The following MCF2L variants were observed in gnomAD, a reference collection of about 807,000 sequenced individuals.
The protein encoded by MCF2L is guanine nucleotide exchange factor DBS.
A neutral mutation model predicts 153.4 loss-of-function variants in MCF2L; 97 were observed. That is an observed-to-expected ratio of 0.63 (90% confidence interval 0.54 to 0.75). The LOEUF (loss-of-function observed/expected upper bound fraction) is 0.75. Among genes scored for constraint, MCF2L ranks in the 30% least tolerant of loss-of-function variants. The pLI, the probability that MCF2L is intolerant of heterozygous loss-of-function variation, is 0.00. For synonymous variants in MCF2L, 659 were observed against 632.2 expected, an observed-to-expected ratio of 1.04 and a Z score of -0.64; for missense variants, 1,347 against 1,495.2, an observed-to-expected ratio of 0.90 and a Z score of 1.64.
At chr13:112,988,796 G>C (rs35785506) in intron 1 of MCF2L, among the ~76,000 whole-genome samples, 6 of 91,422 alleles carry the variant, frequency 6.6e-5, no homozygotes, top group Admixed American at 1.1e-4. Context: ...CCTGAGCAGG[G>C]GATGGGCTAC....
chr13:112,935,499 C>T (rs1428518165), intron 2 of MCF2L, among the ~76,000 whole-genome samples: 1 of 152,098 alleles, frequency 6.6e-6, no homozygotes, highest in East Asian at 1.9e-4. Flanking sequence ...TCAGGTGATC[C>T]ACCTGTCTCG....
At chr13:112,926,281 CGG>C (rs1566642372) in intron 2 of MCF2L, among the ~76,000 whole-genome samples, 8 of 104,164 alleles carry the variant, frequency 7.7e-5, no homozygotes, top group South Asian at 3.3e-4. Context: ...ATATACACAG[CGG>C]AGTGCTGCAT....
chr13:113,084,756 C>A, intron 18 of MCF2L, 136 bp from the exon 19 acceptor site: 1 of 712,380 alleles, frequency 1.4e-6, no homozygotes, highest in African/African-American at 1.8e-5. Context: ...GGGCCAGCAG[C>A]AATGCCTCGC....
intron 4 of MCF2L, among the ~76,000 whole-genome samples, chr13:113,059,256 A>G (rs2030949915): frequency 6.6e-6 from 1 of 152,142 alleles, no homozygotes; most frequent in African/African-American, 2.4e-5. Context: ...GACTTGGCCC[A>G]CGCCCCACGC....
At chr13:112,973,864 G>A (rs1252251103) in intron 1 of MCF2L, among the ~76,000 whole-genome samples, 1 of 152,176 alleles carries the variant, frequency 6.6e-6, no homozygotes, top group East Asian at 1.9e-4. Flanking sequence ...CCTGCGAGGT[G>A]TGTTCCGAGT....
chr13:113,096,805 C>T lies in MCF2L; in HGVS notation c.3324C>T (p.Asn1108=), dbSNP rs745589092. 7 of 1,553,738 alleles carry T rather than the reference C, an allele frequency of 4.5e-6. No homozygotes were observed. The highest frequency in any genetic ancestry group is 1.8e-4 in the Middle Eastern group (1 of 5,598). The stretch of plus-strand genomic sequence containing the variant: ...GCCCGGGGTCGGCCGTGCTGAGCAA[C>T]TCGTCCAGCTGCAGCGAGGGCGGCC... ...ESSPGSAVLS[N]SSSCSEGGQA... Residue 1108 remains asparagine (N), a synonymous_variant, in exon 30 of 30, where the codon AAC becomes AAT. Coordinates refer to ENST00000535094, the MANE Select transcript of MCF2L (RefSeq NM_001112732.3).
chr13:112,968,983 G>A (rs1355925240), upstream of MCF2L, among the ~76,000 whole-genome samples: 1 of 151,820 alleles, frequency 6.6e-6, no homozygotes. Context: ...ACTTCCAGGT[G>A]ACCGCGGCGG....
chr13:112,978,984 C>T (rs1427821401), intron 1 of MCF2L, among the ~76,000 whole-genome samples: 1 of 152,218 alleles, frequency 6.6e-6, no homozygotes, highest in Non-Finnish European at 1.5e-5. Context: ...TCACCTCTCA[C>T]CCCTCGGAAG....
chr13:113,096,251 T>C (rs929189328), intron 27 of MCF2L, 120 bp from the exon 28 acceptor site: 6 of 743,934 alleles, frequency 8.1e-6, no homozygotes, highest in Non-Finnish European at 1.4e-5. Context: ...CCGGAGCTGG[T>C]CGTGGCCAGG....
intron 7 of MCF2L, 131 bp from the exon 8 acceptor site, chr13:113,065,915 A>C (rs1248509751): frequency 6.6e-5 from 62 of 934,904 alleles, no homozygotes; most frequent in Non-Finnish European, 9.1e-5. Context: ...GACTGGGAAG[A>C]CTCGGGGGTC....
At chr13:112,938,292 GTTCAGGTGAGCTCTGAGTGGTTGA>G (rs1389865648) in intron 2 of MCF2L, among the ~76,000 whole-genome samples, 16 of 151,202 alleles carry the variant, frequency 1.1e-4, no homozygotes, top group South Asian at 2.1e-4. Flanking sequence ...TGATGGGTTG[GTTCAGGTGAGCTCTGAGTGGTTGA>G]TTCAGGTGAG....
chr13:112,926,201 G>A (rs1438081336), intron 2 of MCF2L, among the ~76,000 whole-genome samples: 1 of 152,144 alleles, frequency 6.6e-6, no homozygotes, highest in Admixed American at 6.5e-5. Context: ...GTATGGCCTG[G>A]TCTATATGCA....
At chr13:113,042,345 T>G (rs905575574) in intron 3 of MCF2L, 1 of 152,250 alleles carries the variant, frequency 6.6e-6, no homozygotes, top group African/African-American at 2.4e-5. Context: ...AGAAACTGAT[T>G]TCCTAGTATG....
At chr13:112,998,108 A>G (rs1284991119) in intron 1 of MCF2L, among the ~76,000 whole-genome samples, 2 of 152,158 alleles carry the variant, frequency 1.3e-5, no homozygotes, top group Non-Finnish European at 2.9e-5. Context: ...GCCACTTTCC[A>G]TCCTGTGTTC....
At chr13:112,995,886 G>C (rs1343116877) in intron 1 of MCF2L, among the ~76,000 whole-genome samples, 2 of 152,214 alleles carry the variant, frequency 1.3e-5, no homozygotes, top group Non-Finnish European at 2.9e-5. Context: ...ACTGACATCC[G>C]CATGCCAAGC....
chr13:113,003,913 C>T (rs561258589), intron 1 of MCF2L, among the ~76,000 whole-genome samples: 5 of 152,190 alleles, frequency 3.3e-5, no homozygotes, highest in Admixed American at 6.5e-5. Context: ...AGTCTGTCCT[C>T]GGGCCCAGAG....
In MCF2L at chr13:112,993,142, C is replaced by T. The variant is rs953999865; in HGVS notation, c.80-21621C>T. ...CGCTGCCGCGGAGGGAGAGGTAGCG[C>T]GGGGCATGGGGAGGCCACAGAGAGG... On this transcript the variant is annotated intron_variant, in intron 1 of 29. Coordinates refer to ENST00000535094, the MANE Select transcript of MCF2L (RefSeq NM_001112732.3). This position sits in a 1 kb window ranked among gnomAD's most constrained non-coding sequence, Gnocchi z 4.6. Among the ~76,000 whole-genome samples the T allele has an allele frequency of 1.3e-5, 2 of 152,178 alleles. No homozygotes were observed. Among genetic ancestry groups the T allele is most frequent in the African/African-American group, 2.4e-5 (1 of 41,434 alleles).
intron 1 of MCF2L, among the ~76,000 whole-genome samples, chr13:112,973,465 A>G (rs2082118484): frequency 6.6e-6 from 1 of 152,098 alleles, no homozygotes; most frequent in Non-Finnish European, 1.5e-5. Flanking sequence ...CAGGTTTTAG[A>G]GATTTGAGCG....
chr13:113,001,743 A>G (rs1594578957), intron 1 of MCF2L: 6 of 1,363,322 alleles, frequency 4.4e-6, no homozygotes, highest in Non-Finnish European at 5.6e-6. Flanking sequence ...CCCTGGGAGG[A>G]GCAGCCGGCT....
Sources: gnomAD v4.1 joint callset for allele counts (sites outside exome capture counted in the v4.1 genomes callset) on GRCh38, gnomAD v4.1.1 for gene constraint, Gnocchi (gnomAD v3.1) non-coding constraint, MANE v1.5 for transcripts, NCBI Gene and HGNC (gene_info 2026-07-23, HGNC 2026-07-21) for gene names.